Variants in PLCB1 observed in about 807,000 individuals in gnomAD.
The protein encoded by PLCB1 is 1-phosphatidylinositol 4,5-bisphosphate phosphodiesterase beta-1.
Under a neutral mutation model 161.8 loss-of-function variants are expected in PLCB1, and 46 were observed. That is an observed-to-expected ratio of 0.28 (90% CI 0.22 to 0.36). The LOEUF is 0.36. PLCB1 is among the 10% of genes least tolerant of loss of function. The pLI, the probability that PLCB1 is intolerant of heterozygous loss-of-function variation, is 1.00. For missense variants in PLCB1, 1,016 were observed against 1,472.5 expected (o/e 0.69, Z 5.07); for synonymous variants, 517 against 503.7 (o/e 1.03, Z -0.35).
chr20:8,814,373 A>G (rs1402699004), intron 31 of PLCB1, among the ~76,000 whole-genome samples: 1 of 152,208 alleles, frequency 6.6e-6, no homozygotes, highest in Non-Finnish European at 1.5e-5. Flanking sequence ...TGAATTTAAC[A>G]CCTAGATTTC....
chr20:8,737,270 A>G, intron 20 of PLCB1, 78 bp downstream of exon 20: 1 of 1,174,674 alleles, frequency 8.5e-7, no homozygotes. Flanking sequence ...GAAATGGTGA[A>G]TTATTTGTTA....
At chr20:8,873,445 A>G (rs562160080) in intron 31 of PLCB1, among the ~76,000 whole-genome samples, 16 of 152,288 alleles carry the variant, frequency 1.1e-4, no homozygotes, top group African/African-American at 3.8e-4. Flanking sequence ...TAGTCACTGT[A>G]TCCCACATTC....
intron 2 of PLCB1, among the ~76,000 whole-genome samples, chr20:8,346,012 G>T (rs1985990034): frequency 6.6e-6 from 1 of 152,144 alleles, no homozygotes; most frequent in African/African-American, 2.4e-5. Context: ...AGAGGCCAAG[G>T]ATATTTGTGT....
At chr20:8,591,289 A>G (rs1252818213) in intron 3 of PLCB1, among the ~76,000 whole-genome samples, 1 of 152,172 alleles carries the variant, frequency 6.6e-6, no homozygotes, top group Non-Finnish European at 1.5e-5. Flanking sequence ...TAAGACATAG[A>G]CAACTTTGGG....
intron 2 of PLCB1, among the ~76,000 whole-genome samples, chr20:8,343,830 T>A (rs969695383): frequency 6.6e-6 from 1 of 152,310 alleles, no homozygotes; most frequent in African/African-American, 2.4e-5. Flanking sequence ...TGAAAATGAA[T>A]AAACATATAC....
At chr20:8,684,891 A>G (rs920507766) in intron 9 of PLCB1, 41 bp from the exon 10 acceptor site, 4 of 1,563,342 alleles carry the variant, frequency 2.6e-6, no homozygotes, top group Admixed American at 3.6e-5. Flanking sequence ...GACACCCATA[A>G]AAGAATGCAT....
At chr20:8,391,483 C>T (rs1426206690) in intron 3 of PLCB1, among the ~76,000 whole-genome samples, 1 of 151,906 alleles carries the variant, frequency 6.6e-6, no homozygotes, top group Non-Finnish European at 1.5e-5. Context: ...GTCATTGAAG[C>T]AAAATCCAAA....
intron 1 of PLCB1, among the ~76,000 whole-genome samples, chr20:8,147,395 G>A (rs542881248): frequency 8.5e-5 from 13 of 152,274 alleles, no homozygotes; most frequent in Middle Eastern, 3.4e-3. Context: ...TACAGTCAAA[G>A]GTCCCAAGAG....
At chr20:8,386,308 A>G (rs1179299618) in intron 3 of PLCB1, among the ~76,000 whole-genome samples, 1 of 152,232 alleles carries the variant, frequency 6.6e-6, no homozygotes, top group East Asian at 1.9e-4. Context: ...AGTCAAATTT[A>G]TTGATCCATG....
At chr20:8,569,191 A>C (rs552280637) in intron 3 of PLCB1, among the ~76,000 whole-genome samples, 1 of 152,330 alleles carries the variant, frequency 6.6e-6, no homozygotes, top group Admixed American at 6.5e-5. Flanking sequence ...TTGCCTCGAA[A>C]GTCATCGTAG....
chr20:8,330,192 G>A (rs891171974), intron 2 of PLCB1, among the ~76,000 whole-genome samples: 1 of 152,094 alleles, frequency 6.6e-6, no homozygotes, highest in African/African-American at 2.4e-5. Context: ...CTTATCACGT[G>A]CCGGGCCTTG....
chr20:8,420,235 T>C (rs1179776578), intron 3 of PLCB1, among the ~76,000 whole-genome samples: 4 of 152,214 alleles, frequency 2.6e-5, no homozygotes, highest in Non-Finnish European at 5.9e-5. Context: ...AAGACCAAGA[T>C]GCTAGGAAGT....
At chr20:8,787,686 T>A (rs1244948191) in intron 27 of PLCB1, among the ~76,000 whole-genome samples, 1 of 152,230 alleles carries the variant, frequency 6.6e-6, no homozygotes, top group Non-Finnish European at 1.5e-5. Context: ...TGGCAAACAC[T>A]TACTGGGCAT....
intron 3 of PLCB1, among the ~76,000 whole-genome samples, chr20:8,613,253 T>C (rs920674593): frequency 6.6e-6 from 1 of 152,218 alleles, no homozygotes; most frequent in Non-Finnish European, 1.5e-5. Flanking sequence ...AGCAATCATA[T>C]AAAATGACAT....
intron 2 of PLCB1, among the ~76,000 whole-genome samples, chr20:8,151,907 C>T (rs1295882051): frequency 1.3e-5 from 2 of 152,092 alleles, no homozygotes; most frequent in African/African-American, 4.8e-5. Flanking sequence ...CTAGACCAAT[C>T]ATCAATATTT....
intron 3 of PLCB1, among the ~76,000 whole-genome samples, chr20:8,543,050 C>T (rs1455115628): frequency 6.6e-6 from 1 of 152,154 alleles, no homozygotes; most frequent in Non-Finnish European, 1.5e-5. Context: ...TGCTCTAGCA[C>T]CTTGGTAATC....
At chr20:8,644,562 C>T (rs1276945125) in intron 4 of PLCB1, among the ~76,000 whole-genome samples, 1 of 151,464 alleles carries the variant, frequency 6.6e-6, no homozygotes, top group Non-Finnish European at 1.5e-5. Context: ...CGCCCGGCAG[C>T]CGCCCCGTCT....
chr20:8,330,734 C>T (rs538927303), intron 2 of PLCB1, among the ~76,000 whole-genome samples: 1 of 152,314 alleles, frequency 6.6e-6, no homozygotes, highest in South Asian at 2.1e-4. Flanking sequence ...GTAACAGATT[C>T]TGAAGATGGT....
chr20:8,626,372 AG>A (rs928623253), intron 3 of PLCB1, among the ~76,000 whole-genome samples: 3 of 152,056 alleles, frequency 2.0e-5, no homozygotes, highest in African/African-American at 7.2e-5. Flanking sequence ...CTTTATCTTA[AG>A]GATGATTCAA....
Sources: gnomAD v4.1 joint callset for allele counts (sites outside exome capture counted in the v4.1 genomes callset) on GRCh38, gnomAD v4.1.1 for gene constraint, MANE v1.5 for transcripts, NCBI Gene and HGNC (gene_info 2026-07-23, HGNC 2026-07-21) for gene names.